The following KCNQ2 variants were observed in gnomAD, a reference collection of about 807,000 sequenced individuals.
KCNQ2 encodes potassium voltage-gated channel subfamily KQT member 2.
Under a neutral mutation model 84.8 loss-of-function variants are expected in KCNQ2, and 14 were observed. That is an observed-to-expected ratio of 0.17 (90% CI 0.11 to 0.26). KCNQ2 has a LOEUF of 0.26. Ranked by LOEUF, KCNQ2 falls within the 10% of genes least tolerant of loss-of-function variation. The pLI is 1.00. For synonymous variants in KCNQ2, 599 were observed against 554.1 expected, an observed-to-expected ratio of 1.08 and a Z score of -1.14; for missense variants, 788 against 1,254.0, an observed-to-expected ratio of 0.63 and a Z score of 5.61.
intron 4 of KCNQ2, among the ~76,000 whole-genome samples, chr20:63,443,393 A>C: frequency 1.5e-5 from 1 of 68,108 alleles, no homozygotes; most frequent in Non-Finnish European, 3.3e-5. Context: ...CACCACCACC[A>C]TCACCATCAC....
chr20:63,421,806 G>A (rs1252412086), intron 11 of KCNQ2, among the ~76,000 whole-genome samples: 3 of 152,002 alleles, frequency 2.0e-5, no homozygotes, highest in East Asian at 1.9e-4. Flanking sequence ...CAGAACCGCC[G>A]TGGCCAAAGA....
intron 1 of KCNQ2, among the ~76,000 whole-genome samples, chr20:63,454,358 G>A (rs898169344): frequency 6.6e-6 from 1 of 152,196 alleles, no homozygotes. Context: ...GGAACAGATG[G>A]CACAGATGGC....
intron 1 of KCNQ2, among the ~76,000 whole-genome samples, chr20:63,458,085 C>T (rs752005546): frequency 9.2e-5 from 14 of 152,220 alleles, no homozygotes; most frequent in South Asian, 4.1e-4. Context: ...GGTCCTGGCC[C>T]GCCCTCCCCG....
At chr20:63,424,263 C>A in intron 10 of KCNQ2, 57 bp from the exon 11 acceptor site, 1 of 1,542,466 alleles carries the variant, frequency 6.5e-7, no homozygotes, top group African/African-American at 1.4e-5. Flanking sequence ...CATGAGGGTC[C>A]CCCAACCAGT....
At chr20:63,448,375 T>C (rs1398081508) in intron 1 of KCNQ2, 1 of 152,324 alleles carries the variant, frequency 6.6e-6, no homozygotes, top group Non-Finnish European at 1.5e-5. Context: ...TTGCTGCCTC[T>C]CGTTCCAACC....
At chr20:63,466,335 C>G (rs1174490642) in intron 1 of KCNQ2, 2 of 150,970 alleles carry the variant, frequency 1.3e-5, no homozygotes, top group Non-Finnish European at 3.0e-5. Context: ...CCACGACCCC[C>G]GCAGGCTTCC....
intron 12 of KCNQ2, among the ~76,000 whole-genome samples, chr20:63,417,964 G>C (rs1312372887): frequency 2.0e-5 from 3 of 152,094 alleles, no homozygotes; most frequent in African/African-American, 4.8e-5. Flanking sequence ...CCCGGGTCTC[G>C]GGCTCCGCTC....
chr20:63,468,662 C>T (rs555179017), intron 1 of KCNQ2, among the ~76,000 whole-genome samples: 16 of 152,378 alleles, frequency 1.1e-4, no homozygotes, highest in Admixed American at 9.8e-4. Flanking sequence ...CAGCCCAGGG[C>T]CAGAGGCCCC....
intron 8 of KCNQ2, among the ~76,000 whole-genome samples, chr20:63,432,756 AGG>A: frequency 8.0e-6 from 1 of 124,828 alleles, no homozygotes; most frequent in Non-Finnish European, 1.8e-5. Flanking sequence ...CTCCACCCAC[AGG>A]GAAGGCTCCA....
intron 11 of KCNQ2, among the ~76,000 whole-genome samples, chr20:63,422,869 C>T (rs1264402009): frequency 6.6e-6 from 1 of 152,178 alleles, no homozygotes; most frequent in Non-Finnish European, 1.5e-5. Context: ...CCAGCAAGGG[C>T]GTGGGGCCCT....
At position 63,404,712 on chromosome 20, in the gene KCNQ2, C is replaced by G. The variant is rs1000224048; in HGVS notation, c.*1932G>C. The G allele has an allele frequency of 1.3e-5, 2 of 152,346 alleles. No individual in the cohort carries two copies. Among genetic ancestry groups the G allele is most frequent in the African/African-American group, 4.8e-5 (2 of 41,462 alleles). The allele number at this position is 152,346 out of a possible 1,614,324, so 9.4% of individuals were successfully genotyped here. A position where few individuals can be genotyped will look rare whatever the true frequency, so the allele number is the denominator to read the frequency against. On this transcript the variant is annotated 3_prime_UTR_variant, in exon 17 of 17. Coordinates refer to ENST00000359125, the MANE Select transcript of KCNQ2 (RefSeq NM_172107.4). ...CAAGGGCACCGCCGTGAAACGCTGC[C>G]CCCAAAACACGTAGCGATGCCCACA...
rs561591954 is a variant in KCNQ2, at chr20:63,458,438, G to A, written c.297-11601C>T. On this transcript the variant is annotated intron_variant, in intron 1 of 16. Coordinates refer to ENST00000359125, the MANE Select transcript of KCNQ2 (RefSeq NM_172107.4). The stretch of plus-strand genomic sequence containing the variant: ...CGTCCCTGCCCCAGGGCCTTTGCAC[G>A]TGCACTTCCTGCTGCCTGGAATCCT... 7.2e-5 allele frequency among the ~76,000 whole-genome samples: 11 copies of A among 152,230 alleles called. No homozygotes were observed. The South Asian group carries it at 2.3e-3, about 32-fold the overall frequency.
At chr20:63,440,334 G>T (rs2081121589) in intron 5 of KCNQ2, among the ~76,000 whole-genome samples, 1 of 152,168 alleles carries the variant, frequency 6.6e-6, no homozygotes. Context: ...TCGGGGCCTG[G>T]ATGAGGGGAA....
intron 11 of KCNQ2, among the ~76,000 whole-genome samples, chr20:63,420,336 C>T (rs561107701): frequency 1.3e-4 from 20 of 152,360 alleles, no homozygotes; most frequent in Middle Eastern, 3.4e-3. Context: ...AAACACGGAA[C>T]GTTTTCCCAA....
chr20:63,472,509 G>T lies in KCNQ2; in HGVS notation c.-46C>A. Reference sequence around the variant, plus strand: ...CCGGGTCGGGCTCAGGCTCAGCGGGGGCGGAGCGCGGGGGGCGGCGCGGGC... The same window carrying T: ...CCGGGTCGGGCTCAGGCTCAGCGGGTGCGGAGCGCGGGGGGCGGCGCGGGC... On this transcript the variant is annotated 5_prime_UTR_variant, in exon 1 of 17. Transcript: ENST00000359125. 1.5e-6 allele frequency: 2 copies of T among 1,375,416 alleles called. No individual in the cohort carries two copies. The highest frequency in any genetic ancestry group is 1.9e-6 in the Non-Finnish European group (2 of 1,068,112). The allele number at this position is 1,375,416 out of a possible 1,614,324, so 85.2% of individuals were successfully genotyped here. A position where few individuals can be genotyped will look rare whatever the true frequency, so the allele number is the denominator to read the frequency against.
At chr20:63,442,650 TCACCACCACCATCAC>T (rs2081202129) in intron 4 of KCNQ2, 119 bp from the exon 5 acceptor site, 4 of 733,318 alleles carry the variant, frequency 5.5e-6, no homozygotes, top group East Asian at 7.8e-5. Context: ...ACCAAAACCA[TCACCACCACCATCAC>T]CACCACCACC....
chr20:63,452,497 G>A (rs970184864), intron 1 of KCNQ2, among the ~76,000 whole-genome samples: 6 of 152,344 alleles, frequency 3.9e-5, no homozygotes, highest in South Asian at 2.1e-4. Context: ...TGTTCATGCC[G>A]AAAAACACCT....
chr20:63,446,899 TC>T lies in KCNQ2; in HGVS notation c.297-63del. ...AGCAGGGCAGCAGCATGGCTGTGTC[TC>T]CAGAACTCAGGACCCCACTCCCCAC... is the stretch of plus-strand genomic sequence containing the variant. On this transcript the variant is annotated intron_variant, in intron 1 of 16. Coordinates refer to ENST00000359125, the MANE Select transcript of KCNQ2 (RefSeq NM_172107.4). This position sits in a 1 kb window ranked among gnomAD's most constrained non-coding sequence, Gnocchi z 5.5. 1 of 1,459,216 alleles carries T rather than the reference TC, an allele frequency of 6.9e-7. No individual in the cohort carries two copies. The highest frequency in any genetic ancestry group is 9.6e-7 in the Non-Finnish European group (1 of 1,039,982). 90.4% of individuals were successfully genotyped at this position (1,459,216 alleles called of 1,614,324 possible).
rs1568857729 is a variant in KCNQ2 at position 63,406,604 on chromosome 20, T to A, written c.*40A>T. The A allele has an allele frequency of 6.4e-7, 1 of 1,557,534 alleles. No homozygotes were observed. Among genetic ancestry groups the A allele is most frequent in the South Asian group, 1.2e-5 (1 of 85,456 alleles). On this transcript the variant is annotated 3_prime_UTR_variant, in exon 17 of 17. Coordinates refer to ENST00000359125, the MANE Select transcript of KCNQ2 (RefSeq NM_172107.4). ...CCTCAAAACCTCGGAGGCACCGTGC[T>A]GAGGAGGGCCGCGGGCGGGTCCACT...
Sources: allele counts gnomAD v4.1 joint callset (sites outside exome capture counted in the v4.1 genomes callset), GRCh38; gene constraint gnomAD v4.1.1; non-coding constraint Gnocchi (gnomAD v3.1); transcripts MANE v1.5; gene names NCBI Gene and HGNC (gene_info 2026-07-23, HGNC 2026-07-21).